The following PPARD variants were observed in gnomAD, a reference collection of about 807,000 sequenced individuals.
PPARD encodes peroxisome proliferator-activated receptor delta.
PPARD carries 6 observed loss-of-function variants against 39.5 expected under a neutral mutation model. The ratio of observed to expected loss-of-function variants is 0.15; its 90% CI spans 0.08 to 0.30. The LOEUF is 0.30. Among genes scored for constraint, PPARD ranks in the 10% least tolerant of loss-of-function variants. The pLI is 1.00. For synonymous variants in PPARD, 210 were observed against 231.3 expected, an observed-to-expected ratio of 0.91 and a Z score of 0.83; for missense variants, 397 against 596.8, an observed-to-expected ratio of 0.67 and a Z score of 3.49.
At chr6:35,393,153 C>T (rs183350874) in intron 2 of PPARD, among the ~76,000 whole-genome samples, 2 of 152,290 alleles carry the variant, frequency 1.3e-5, no homozygotes, top group East Asian at 1.9e-4. Context: ...CTGTGGGGAG[C>T]TCTGGGGAGT....
intron 2 of PPARD, among the ~76,000 whole-genome samples, chr6:35,387,874 A>G (rs1028298342): frequency 1.3e-5 from 2 of 150,878 alleles, no homozygotes; most frequent in Non-Finnish European, 3.0e-5. Flanking sequence ...GGCACCCACC[A>G]CCACGCCTGG....
intron 2 of PPARD, among the ~76,000 whole-genome samples, chr6:35,381,630 T>C (rs1763161533): frequency 6.6e-6 from 1 of 152,148 alleles, no homozygotes; most frequent in Non-Finnish European, 1.5e-5. Flanking sequence ...ACATGCTCCA[T>C]CTTAAGGAGC....
chr6:35,375,687 T>TTA (rs1281753606), intron 2 of PPARD, among the ~76,000 whole-genome samples: 8 of 152,070 alleles, frequency 5.3e-5, no homozygotes, highest in Admixed American at 3.3e-4. Context: ...GTAGCTGAGA[T>TTA]TATAGGTGCA....
rs202245321 is a variant in PPARD, at chr6:35,342,593, G to A, written c.-274G>A. On this transcript the variant is annotated 5_prime_UTR_variant, in exon 1 of 8. Coordinates refer to ENST00000360694, the MANE Select transcript of PPARD (RefSeq NM_006238.5). ...TGACGCTGCGGCCGCCGCGGACCTG[G>A]GGATTAATGGGAAAAGTTTTGGCAG... 2.8e-3 allele frequency: 431 copies of A among 152,650 alleles called. 1 individual carries two copies. The highest frequency in any genetic ancestry group is 6.2e-3 in the African/African-American group (259 of 41,592). 9.5% of individuals were successfully genotyped at this position (152,650 alleles called of 1,614,324 possible). A position where few individuals can be genotyped will look rare whatever the true frequency, so the allele number is the denominator to read the frequency against.
rs1468741307 is a variant in PPARD, at chr6:35,396,201, T to G, written c.-101-14786T>G. Among the ~76,000 whole-genome samples, 9 of 151,882 alleles carry G rather than the reference T, an allele frequency of 5.9e-5. No individual in the cohort carries two copies. The East Asian group carries it at 1.8e-3, about 30-fold the overall frequency. ...TTGAAACTCTTAAGTATTTTATTTCTTCTTCTTCTTCTTTTTTTTTTTAGA... is the reference window on the plus strand; with the variant it reads ...TTGAAACTCTTAAGTATTTTATTTCGTCTTCTTCTTCTTTTTTTTTTTAGA... On this transcript the variant is annotated intron_variant, in intron 2 of 7. Transcript: ENST00000360694.
Position 35,411,206 on chromosome 6 carries a change from G to A in PPARD, c.119G>A (p.Ser40Asn), listed in dbSNP as rs772723177. 14 of 1,540,388 alleles carry A rather than the reference G, an allele frequency of 9.1e-6. No homozygotes were observed. The highest frequency in any genetic ancestry group is 1.1e-5 in the Non-Finnish European group (12 of 1,141,366). Residue 40 changes from serine to asparagine, a missense_variant, in exon 3 of 8, where the codon AGC becomes AAC. Ser to Asn is a conservative substitution (Grantham distance 46, BLOSUM62 1). Coordinates refer to ENST00000360694, the MANE Select transcript of PPARD (RefSeq NM_006238.5). ...GGACCACAGCATGCACTTCCTTCCA[G>A]CAGCTACACAGGTGAGGAGAGGACT... ...NGGPQHALPS[S>N]SYTDLSRSSS...
intron 4 of PPARD, 24 bp from the exon 5 acceptor site, chr6:35,421,796 C>T: frequency 1.3e-6 from 2 of 1,591,994 alleles, no homozygotes; most frequent in Non-Finnish European, 1.7e-6. Context: ...GGTGGCCTTT[C>T]CTCACCTGTT....
intron 2 of PPARD, among the ~76,000 whole-genome samples, chr6:35,404,743 C>T (rs1024440419): frequency 1.3e-5 from 2 of 152,180 alleles, no homozygotes; most frequent in Non-Finnish European, 2.9e-5. Flanking sequence ...GGCTTAGTTG[C>T]TCTGGCCCCA....
chr6:35,385,156 C>A, intron 2 of PPARD, among the ~76,000 whole-genome samples: 2 of 145,178 alleles, frequency 1.4e-5, no homozygotes, highest in Non-Finnish European at 3.0e-5. Context: ...TCATTGAGAA[C>A]GGGCCAGGAT....
At chr6:35,399,451 A>G (rs1055043874) in intron 2 of PPARD, among the ~76,000 whole-genome samples, 2 of 150,146 alleles carry the variant, frequency 1.3e-5, no homozygotes, top group African/African-American at 4.9e-5. Context: ...CATGCCTGTA[A>G]TTCCAACACT....
At chr6:35,406,229 G>C (rs985647596) in intron 2 of PPARD, among the ~76,000 whole-genome samples, 5 of 152,198 alleles carry the variant, frequency 3.3e-5, no homozygotes, top group African/African-American at 1.2e-4. Flanking sequence ...AGCCCAGCCT[G>C]TGCTATCTTT....
intron 5 of PPARD, among the ~76,000 whole-genome samples, chr6:35,422,890 G>A (rs929157943): frequency 1.1e-4 from 16 of 151,952 alleles, no homozygotes; most frequent in African/African-American, 3.9e-4. Flanking sequence ...AACTCAGTAA[G>A]TTTTAAAAAG....
At chr6:35,355,560 A>T (rs1761531255) in intron 2 of PPARD, among the ~76,000 whole-genome samples, 1 of 145,074 alleles carries the variant, frequency 6.9e-6, no homozygotes, top group African/African-American at 2.5e-5. Context: ...TGTAAAAAAA[A>T]AAAAAAAAAA....
At chr6:35,407,724 G>A (rs1206457957) in intron 2 of PPARD, among the ~76,000 whole-genome samples, 1 of 149,798 alleles carries the variant, frequency 6.7e-6, no homozygotes, top group African/African-American at 2.5e-5. Flanking sequence ...AAAGATTTCA[G>A]CTAAAATTAG....
intron 2 of PPARD, among the ~76,000 whole-genome samples, chr6:35,378,588 G>A (rs1762952369): frequency 6.6e-6 from 1 of 152,146 alleles, no homozygotes; most frequent in African/African-American, 2.4e-5. Flanking sequence ...CCAGGTGGAG[G>A]AATACAAACT....
At chr6:35,355,598 CTTTTTTTTTTTTTTT>C (rs1166499750) in intron 2 of PPARD, among the ~76,000 whole-genome samples, 1 of 33,462 alleles carries the variant, frequency 3.0e-5, no homozygotes, top group Non-Finnish European at 4.6e-5. Context: ...TCTTCTTCTT[CTTTTTTTTTTTTTTT>C]TTTTTTTTTT....
Position 35,425,356 on chromosome 6 carries a change from T to C in PPARD, c.1079-476T>C. 1 of 1,005,588 alleles carries C rather than the reference T, an allele frequency of 9.9e-7. No homozygotes were observed. 62.3% of individuals were successfully genotyped at this position (1,005,588 alleles called of 1,614,324 possible). A position where few individuals can be genotyped will look rare whatever the true frequency, so the allele number is the denominator to read the frequency against. ...AATTGTCTGCATTTTTTCTGCATTT[T>C]TAAAATTCCAACACAATAAATACAA... On this transcript the variant is annotated intron_variant, in intron 7 of 7. Coordinates refer to ENST00000360694, the MANE Select transcript of PPARD (RefSeq NM_006238.5). The surrounding 1 kb of genome is among the most constrained non-coding windows in gnomAD (Gnocchi z 4.5).
At chr6:35,392,360 C>G (rs962880380) in intron 2 of PPARD, among the ~76,000 whole-genome samples, 5 of 152,156 alleles carry the variant, frequency 3.3e-5, no homozygotes, top group Non-Finnish European at 5.9e-5. Flanking sequence ...CCCCAGCCAC[C>G]CTTGAAATAA....
Position 35,424,222 on chromosome 6 carries a change from G to T in PPARD, c.627+74G>T. 2 of 1,595,322 alleles carry T rather than the reference G, an allele frequency of 1.3e-6. No homozygotes were observed. The highest frequency in any genetic ancestry group is 3.4e-5 in the Admixed American group (2 of 58,448). ...CACTGCCGCCTGCCTGACTCCGGGA[G>T]AGCCAGGCCTTCTCCCTCCCTCAAC... On this transcript the variant is annotated intron_variant, in intron 6 of 7. Transcript: ENST00000360694. The surrounding 1 kb of genome is among the most constrained non-coding windows in gnomAD (Gnocchi z 7.1).
Sources: allele counts gnomAD v4.1 joint callset (sites outside exome capture counted in the v4.1 genomes callset), GRCh38; gene constraint gnomAD v4.1.1; non-coding constraint Gnocchi (gnomAD v3.1); transcripts MANE v1.5; gene names NCBI Gene and HGNC (gene_info 2026-07-23, HGNC 2026-07-21).